Variants in AP3S2 observed in about 807,000 individuals in gnomAD.
AP3S2 encodes the protein AP-3 complex subunit sigma-2.
A neutral mutation model predicts 23.4 loss-of-function variants in AP3S2; 22 were observed. The ratio of observed to expected loss-of-function variants is 0.94; its 90% CI spans 0.67 to 1.34. AP3S2 has a LOEUF of 1.34. Among genes scored for constraint, AP3S2 ranks in the 40% most tolerant of loss-of-function variants. The pLI is 0.00. For synonymous variants in AP3S2, 86 were observed against 87.1 expected, an observed-to-expected ratio of 0.99 and a Z score of 0.07; for missense variants, 241 against 236.9, an observed-to-expected ratio of 1.02 and a Z score of -0.11.
At chr15:89,882,147 T>C (rs1896584968) in intron 3 of AP3S2, among the ~76,000 whole-genome samples, 1 of 152,144 alleles carries the variant, frequency 6.6e-6, no homozygotes, top group Non-Finnish European at 1.5e-5. Flanking sequence ...AATATCTATC[T>C]AGCAACATGC....
At chr15:89,842,852 C>T (rs919650067) in intron 4 of AP3S2, among the ~76,000 whole-genome samples, 6 of 152,196 alleles carry the variant, frequency 3.9e-5, no homozygotes, top group Non-Finnish European at 7.3e-5. Flanking sequence ...ACCTTGTGAT[C>T]CGCCCACCTT....
At chr15:89,875,324 C>G (rs1412993254) in intron 3 of AP3S2, among the ~76,000 whole-genome samples, 1 of 152,210 alleles carries the variant, frequency 6.6e-6, no homozygotes, top group Non-Finnish European at 1.5e-5. Flanking sequence ...ACAAGATGGA[C>G]TAGCCCCAGA....
At chr15:89,848,154 A>G (rs1460187258) in intron 4 of AP3S2, among the ~76,000 whole-genome samples, 1 of 152,256 alleles carries the variant, frequency 6.6e-6, no homozygotes, top group African/African-American at 2.4e-5. Context: ...TACAAAAGAC[A>G]GAGGCTCACA....
In AP3S2 at chr15:89,833,751, A is replaced by T. The variant is rs992691778; in HGVS notation, c.*1764T>A. The T allele has an allele frequency of 6.6e-6, 1 of 152,222 alleles. No individual in the cohort carries two copies. Among genetic ancestry groups the T allele is most frequent in the African/African-American group, 2.4e-5 (1 of 41,456 alleles). 9.4% of individuals were successfully genotyped at this position (152,222 alleles called of 1,614,324 possible). A position where few individuals can be genotyped will look rare whatever the true frequency, so the allele number is the denominator to read the frequency against. On this transcript the variant is annotated 3_prime_UTR_variant, in exon 6 of 6. Transcript: ENST00000336418. Reference sequence around the variant, plus strand: ...GCCCACCTTCTGACCCACACTGCCCATCTCTGTGCTTATCATGGAGCTTTC... The same window carrying T: ...GCCCACCTTCTGACCCACACTGCCCTTCTCTGTGCTTATCATGGAGCTTTC...
chr15:89,886,325 C>G (rs1896700854), intron 3 of AP3S2, among the ~76,000 whole-genome samples: 2 of 151,896 alleles, frequency 1.3e-5, no homozygotes, highest in South Asian at 2.1e-4. Context: ...AGACTGGCAA[C>G]AGAGCAAGAC....
At chr15:89,872,156 G>A (rs560390234) in intron 3 of AP3S2, among the ~76,000 whole-genome samples, 1 of 149,712 alleles carries the variant, frequency 6.7e-6, no homozygotes, top group Non-Finnish European at 1.5e-5. Context: ...TTACATAAAA[G>A]AATAACAAAT....
At position 89,843,057 on chromosome 15, in the gene AP3S2, T is replaced by G. The variant is rs572298671; in HGVS notation, c.346-5335A>C. On this transcript the variant is annotated intron_variant, in intron 4 of 5. Transcript: ENST00000336418. Reference sequence around the variant, plus strand: ...TGGAGTGCAATGGCGCGATCTCCGCTCACCACAACCTCTGCCTCCCCGGTT... The same window carrying G: ...TGGAGTGCAATGGCGCGATCTCCGCGCACCACAACCTCTGCCTCCCCGGTT... Among the ~76,000 whole-genome samples, 6 of 152,016 alleles carry G rather than the reference T, an allele frequency of 3.9e-5. No homozygotes were observed. In the East Asian group the frequency reaches 7.9e-4, roughly 20 times the overall value.
In AP3S2 at chr15:89,874,456, T is replaced by C. The variant is rs181649987; in HGVS notation, c.274-2910A>G. ...CAGTCTTTCTAGGTATCAAAATTCA[T>C]TGTAAAGCTTTGTTAACTAAAATAG... On this transcript the variant is annotated intron_variant, in intron 3 of 5. Transcript: ENST00000336418. Among the ~76,000 whole-genome samples, 14 of 152,306 alleles carry C rather than the reference T, an allele frequency of 9.2e-5. No individual in the cohort carries two copies. The East Asian group carries it at 2.5e-3, about 27-fold the overall frequency.
chr15:89,856,433 G>T (rs894324315), intron 4 of AP3S2, among the ~76,000 whole-genome samples: 2 of 152,140 alleles, frequency 1.3e-5, no homozygotes, highest in African/African-American at 4.8e-5. Flanking sequence ...GGGCGTGGTG[G>T]CTCACGCCTG....
chr15:89,866,465 G>C (rs1896123096), intron 4 of AP3S2, among the ~76,000 whole-genome samples: 1 of 151,600 alleles, frequency 6.6e-6, no homozygotes, highest in South Asian at 2.1e-4. Context: ...GTGTTGGGCA[G>C]CTGGCATTCC....
rs767686464 is a variant in AP3S2 at position 89,835,623 on chromosome 15, A to G, written c.474T>C (p.Pro158=). ...TTTTCACAGCAGACACAGCCCGCGC[A>G]GGGGCTGCTGAAAGGCCACCCTAAG... ...EKSEGGLSAA[P]ARAVSAVKNI... The change falls in exon 6 of 6, where the codon CCT becomes CCC. Residue 158 remains proline, a synonymous_variant. Transcript: ENST00000336418. The G allele has an allele frequency of 1.1e-5, 17 of 1,608,416 alleles. No homozygotes were observed. The highest frequency in any genetic ancestry group is 1.4e-5 in the Non-Finnish European group (17 of 1,177,278).
At chr15:89,858,450 A>G (rs1048879729) in intron 4 of AP3S2, among the ~76,000 whole-genome samples, 4 of 147,946 alleles carry the variant, frequency 2.7e-5, no homozygotes, top group Middle Eastern at 3.4e-3. Context: ...TCAAAAAAAG[A>G]AAGAAAAAGA....
intron 4 of AP3S2, among the ~76,000 whole-genome samples, chr15:89,857,329 T>C (rs1208300103): frequency 6.6e-6 from 1 of 152,182 alleles, no homozygotes. Flanking sequence ...TCTTTGTATC[T>C]CTATATTTAG....
At chr15:89,887,006 C>T (rs1251890992) in intron 3 of AP3S2, among the ~76,000 whole-genome samples, 5 of 152,090 alleles carry the variant, frequency 3.3e-5, no homozygotes, top group African/African-American at 1.2e-4. Flanking sequence ...ATGCTGACCA[C>T]GTTGGTCTCA....
intron 4 of AP3S2, among the ~76,000 whole-genome samples, chr15:89,849,165 T>C (rs1005161336): frequency 2.6e-5 from 4 of 152,162 alleles, no homozygotes; most frequent in Admixed American, 2.6e-4. Flanking sequence ...CTTGACTTCA[T>C]TGAAAAGTTG....
intron 4 of AP3S2, chr15:89,865,460 C>T (rs1273201042): frequency 1.3e-5 from 2 of 152,138 alleles, no homozygotes; most frequent in African/African-American, 4.8e-5. Context: ...GAATATAAAC[C>T]TTTGGTGAGC....
chr15:89,837,719 G>A lies in AP3S2; in HGVS notation c.349C>T (p.His117Tyr). 1 of 1,614,066 alleles carries A rather than the reference G, an allele frequency of 6.2e-7. No homozygotes were observed. The highest frequency in any genetic ancestry group is 1.3e-5 in the African/African-American group (1 of 75,028). ...ATCACCACCTCCTGGAGGATGTAGT[G>A]CACCTAAAAGGGAAGCAAAAATCAG... Reference protein sequence around the residue: ...LDLIFHMDKVHYILQEVVMGG... With the variant: ...LDLIFHMDKVYYILQEVVMGG... Residue 117 changes from histidine to tyrosine, a missense_variant, in exon 5 of 6, where the codon CAC (histidine) becomes TAC (tyrosine). Coordinates refer to ENST00000336418, the MANE Select transcript of AP3S2 (RefSeq NM_005829.5).
At chr15:89,875,866 G>A (rs1177982445) in intron 3 of AP3S2, among the ~76,000 whole-genome samples, 1 of 151,944 alleles carries the variant, frequency 6.6e-6, no homozygotes, top group African/African-American at 2.4e-5. Context: ...AGAAGCTTGA[G>A]CCGGGGAGAC....
At chr15:89,838,309 G>A (rs1895243954) in intron 4 of AP3S2, among the ~76,000 whole-genome samples, 1 of 152,218 alleles carries the variant, frequency 6.6e-6, no homozygotes, top group South Asian at 2.1e-4. Context: ...GAGCAAGATA[G>A]AGCCCAATTC....
Sources: gnomAD v4.1 joint callset for allele counts (sites outside exome capture counted in the v4.1 genomes callset) on GRCh38, gnomAD v4.1.1 for gene constraint, MANE v1.5 for transcripts, NCBI Gene and HGNC (gene_info 2026-07-23, HGNC 2026-07-21) for gene names.